The following CFDP1 variants were observed in gnomAD, a reference collection of about 807,000 sequenced individuals.
The protein encoded by CFDP1 is chromatin remodeling protein CFDP1, also known as heterochromatin-stabilizing protein CFDP1.
A neutral mutation model predicts 40.1 loss-of-function variants in CFDP1; 31 were observed. The observed-to-expected ratio is 0.77, with a 90% CI of 0.58 to 1.04. CFDP1 has a LOEUF of 1.04. CFDP1 is among the 50% of genes least tolerant of loss of function. The probability of loss-of-function intolerance (pLI) is 0.00; values close to 1 mark genes in which losing one functional copy is unlikely to be tolerated. For synonymous variants in CFDP1, 167 were observed against 120.0 expected (o/e 1.39, Z -2.56); for missense variants, 423 against 343.4 (o/e 1.23, Z -1.83).
At chr16:75,299,779 G>T (rs1369897038) in intron 6 of CFDP1, among the ~76,000 whole-genome samples, 4 of 152,142 alleles carry the variant, frequency 2.6e-5, no homozygotes, top group African/African-American at 9.7e-5. Flanking sequence ...GTTCATAGAT[G>T]AACAAAACAT....
At chr16:75,307,425 C>T (rs146343277) in intron 5 of CFDP1, among the ~76,000 whole-genome samples, 3,359 of 152,228 alleles carry the variant, frequency 0.022, 71 homozygotes, top group African/African-American at 0.054. Context: ...CCATGTTGGG[C>T]AGGCTGGTCT....
chr16:75,407,673 G>GA (rs11357413), intron 4 of CFDP1, among the ~76,000 whole-genome samples: 1 of 125,552 alleles, frequency 8.0e-6, no homozygotes, highest in East Asian at 2.2e-4. Flanking sequence ...AAAAAAAAAA[G>GA]AAAAAAAAGA....
intron 5 of CFDP1, among the ~76,000 whole-genome samples, chr16:75,356,730 AAAT>A (rs2078646255): frequency 6.6e-6 from 1 of 152,172 alleles, no homozygotes; most frequent in Admixed American, 6.6e-5. Context: ...CTATTTAAAA[AAAT>A]AATAAGAAGA....
At chr16:75,303,755 A>AATACATAT (rs2078239619) in intron 6 of CFDP1, among the ~76,000 whole-genome samples, 1 of 152,248 alleles carries the variant, frequency 6.6e-6, no homozygotes, top group Admixed American at 6.5e-5. Context: ...ATACGTAAGC[A>AATACATAT]ATACATATAT....
At chr16:75,330,066 A>T (rs1318137815) in intron 5 of CFDP1, among the ~76,000 whole-genome samples, 1 of 152,224 alleles carries the variant, frequency 6.6e-6, no homozygotes, top group Non-Finnish European at 1.5e-5. Flanking sequence ...CCTGACCCCA[A>T]GATTCTCAGG....
intron 4 of CFDP1, among the ~76,000 whole-genome samples, chr16:75,408,172 C>T (rs973612222): frequency 7.2e-5 from 11 of 152,008 alleles, no homozygotes; most frequent in African/African-American, 1.7e-4. Context: ...AAAGAACGCA[C>T]GCACAGTACA....
At chr16:75,305,339 A>G in intron 5 of CFDP1, 157 bp from the exon 6 acceptor site, 1 of 672,742 alleles carries the variant, frequency 1.5e-6, no homozygotes, top group African/African-American at 1.8e-5. Context: ...TGTGGAGAGC[A>G]CTGTAAGTAA....
At chr16:75,345,438 C>T (rs948491644) in intron 5 of CFDP1, among the ~76,000 whole-genome samples, 2 of 151,834 alleles carry the variant, frequency 1.3e-5, no homozygotes, top group South Asian at 2.1e-4. Flanking sequence ...GCCTGGGTGA[C>T]AGAGTGAGAC....
At chr16:75,368,284 G>C (rs1045182381) in intron 5 of CFDP1, among the ~76,000 whole-genome samples, 1 of 152,034 alleles carries the variant, frequency 6.6e-6, no homozygotes, top group African/African-American at 2.4e-5. Flanking sequence ...GCTTTTAAAA[G>C]AATACTTTTA....
intron 5 of CFDP1, among the ~76,000 whole-genome samples, chr16:75,361,960 G>A (rs1033953435): frequency 6.6e-6 from 1 of 152,152 alleles, no homozygotes. Flanking sequence ...AAGCAAAAGA[G>A]CCTGTCTTGA....
intron 4 of CFDP1, among the ~76,000 whole-genome samples, chr16:75,405,299 A>T (rs895322576): frequency 6.6e-6 from 1 of 152,226 alleles, no homozygotes; most frequent in African/African-American, 2.4e-5. Flanking sequence ...TTATTTTTAC[A>T]ATCATTTTAA....
rs1420824006 is a variant in CFDP1 at position 75,293,776 on chromosome 16, A to G, written c.*176T>C. 3.4e-6 allele frequency: 2 copies of G among 588,402 alleles called. No homozygotes were observed. Among genetic ancestry groups the G allele is most frequent in the Non-Finnish European group, 6.0e-6 (2 of 334,948 alleles). The allele number at this position is 588,402 out of a possible 1,614,324, so 36.4% of individuals were successfully genotyped here. A position where few individuals can be genotyped will look rare whatever the true frequency, so the allele number is the denominator to read the frequency against. On this transcript the variant is annotated 3_prime_UTR_variant, in exon 7 of 7. Transcript: ENST00000283882. ...TTATTCATTTAAGGACAAATTTTTA[A>G]AAGTAAAGTGAATGAAACCATTTGT...
intron 6 of CFDP1, among the ~76,000 whole-genome samples, chr16:75,296,531 G>A (rs111878288): frequency 0.034 from 5,151 of 152,284 alleles, 267 homozygotes; most frequent in African/African-American, 0.11. Flanking sequence ...ATCGGGCCCA[G>A]CCCTGACTTT....
chr16:75,383,781 T>C (rs989681851), intron 5 of CFDP1, among the ~76,000 whole-genome samples: 4 of 140,682 alleles, frequency 2.8e-5, no homozygotes, highest in East Asian at 2.1e-4. Flanking sequence ...ATCGTGCCAC[T>C]GCACTCTAGC....
chr16:75,409,483 T>A (rs1000717866), intron 4 of CFDP1: 3 of 152,198 alleles, frequency 2.0e-5, no homozygotes, highest in Admixed American at 1.3e-4. Context: ...AATTTAGTTA[T>A]CTTTTATATT....
intron 5 of CFDP1, among the ~76,000 whole-genome samples, chr16:75,346,582 C>CAAAAAAAAAAAAAAAAA (rs748081401): frequency 5.1e-5 from 3 of 59,326 alleles, no homozygotes; most frequent in Admixed American, 2.4e-4. Context: ...GACTCTGTCT[C>CAAAAAAAAAAAAAAAAA]AAAAAAAAAA....
intron 5 of CFDP1, among the ~76,000 whole-genome samples, chr16:75,323,906 G>A (rs2078384630): frequency 6.6e-6 from 1 of 152,206 alleles, no homozygotes; most frequent in Admixed American, 6.5e-5. Flanking sequence ...CGAGTGGTGT[G>A]TGACTGTATT....
intron 5 of CFDP1, among the ~76,000 whole-genome samples, chr16:75,330,142 G>A (rs550562847): frequency 2.0e-4 from 31 of 152,316 alleles, no homozygotes; most frequent in Middle Eastern, 3.4e-3. Context: ...CTGCTGTAGC[G>A]AAAGCTCCTG....
intron 1 of CFDP1, among the ~76,000 whole-genome samples, chr16:75,424,526 C>A (rs1371865857): frequency 4.6e-5 from 7 of 152,076 alleles, no homozygotes. Context: ...GAGGCTGAGG[C>A]GGGCGGATCA....
Sources: gnomAD v4.1 joint callset for allele counts (sites outside exome capture counted in the v4.1 genomes callset) on GRCh38, gnomAD v4.1.1 for gene constraint, MANE v1.5 for transcripts, NCBI Gene and HGNC (gene_info 2026-07-23, HGNC 2026-07-21) for gene names.